NTN1: variants seen among roughly 807,000 people sequenced by gnomAD.
NTN1 encodes netrin 1.
NTN1 carries 11 observed loss-of-function variants against 54.2 expected under a neutral mutation model. The observed-to-expected ratio is 0.20, with a 90% CI of 0.13 to 0.34. The LOEUF (loss-of-function observed/expected upper bound fraction) is 0.34. NTN1 is among the 10% of genes least tolerant of loss of function. The probability of loss-of-function intolerance (pLI) is 1.00; values close to 1 mark genes in which losing one functional copy is unlikely to be tolerated. For missense variants in NTN1, 740 were observed against 893.1 expected, an observed-to-expected ratio of 0.83 and a Z score of 2.18; for synonymous variants, 371 against 382.0, an observed-to-expected ratio of 0.97 and a Z score of 0.33.
In NTN1 at chr17:9,079,603, G is replaced by A. The variant is rs150072156; in HGVS notation, c.1018+56212G>A. On this transcript the variant is annotated intron_variant, in intron 2 of 6. Coordinates refer to ENST00000173229, the MANE Select transcript of NTN1 (RefSeq NM_004822.3). ...AGGAAGTGGTAGCCCAGTGGGTCTA[G>A]TTCCTGGCCTCCCAGGAAGTGGTTC... is the stretch of plus-strand genomic sequence containing the variant. 1.8e-4 allele frequency among the ~76,000 whole-genome samples: 27 copies of A among 152,150 alleles called. No homozygotes were observed. The East Asian group carries it at 5.2e-3, about 30-fold the overall frequency.
the NTN1 span, among the ~76,000 whole-genome samples, chr17:9,011,377 G>A: frequency 2.0e-5 from 3 of 152,204 alleles, no homozygotes; most frequent in East Asian, 1.9e-4. Flanking sequence ...TCCAATCTCT[G>A]CCTCTGTCTC....
rs1906201268 is a variant in NTN1 at position 9,241,181 on chromosome 17, AC to A, written c.*1215del. The A allele has an allele frequency of 6.6e-6, 1 of 152,400 alleles. No individual in the cohort carries two copies. The highest frequency in any genetic ancestry group is 6.5e-5 in the Admixed American group (1 of 15,286). 9.4% of individuals were successfully genotyped at this position (152,400 alleles called of 1,614,324 possible). A position where few individuals can be genotyped will look rare whatever the true frequency, so the allele number is the denominator to read the frequency against. Reference sequence around the variant, plus strand: ...ATGGGTGGGCAGGGGCACAGGAATGACCAGGTTCCTGGGGGCCAAGGAGGCC... The same window carrying A: ...ATGGGTGGGCAGGGGCACAGGAATGACAGGTTCCTGGGGGCCAAGGAGGCC... On this transcript the variant is annotated 3_prime_UTR_variant, in exon 7 of 7. Transcript: ENST00000173229.
intron 4 of NTN1, 23 bp downstream of exon 4, chr17:9,179,979 T>C: frequency 6.2e-7 from 1 of 1,602,964 alleles, no homozygotes; most frequent in Non-Finnish European, 8.5e-7. Flanking sequence ...CACCCTGCTT[T>C]TCAAGTCTCT....
At chr17:9,205,899 G>A (rs370731902) in intron 5 of NTN1, among the ~76,000 whole-genome samples, 3 of 152,218 alleles carry the variant, frequency 2.0e-5, no homozygotes, top group South Asian at 2.1e-4. Flanking sequence ...CAGCTTACTC[G>A]GGACATTGGG....
chr17:9,053,927 C>G (rs1410692822), intron 2 of NTN1, among the ~76,000 whole-genome samples: 1 of 152,192 alleles, frequency 6.6e-6, no homozygotes, highest in African/African-American at 2.4e-5. Flanking sequence ...CACACCAGGT[C>G]AGGCACGTAG....
intron 5 of NTN1, among the ~76,000 whole-genome samples, chr17:9,208,535 C>T (rs778835481): frequency 1.7e-4 from 26 of 152,082 alleles, no homozygotes; most frequent in African/African-American, 4.8e-4. Context: ...AGGAAATGGG[C>T]GCTAAGAACC....
At chr17:9,124,404 CT>C (rs1330339165) in intron 2 of NTN1, among the ~76,000 whole-genome samples, 2 of 152,212 alleles carry the variant, frequency 1.3e-5, no homozygotes, top group Non-Finnish European at 1.5e-5. Flanking sequence ...CCGGATTCCA[CT>C]TCCTGAACTC....
intron 2 of NTN1, among the ~76,000 whole-genome samples, chr17:9,033,844 G>A (rs1050873594): frequency 6.6e-6 from 1 of 150,822 alleles, no homozygotes. Context: ...TTGAATCTGG[G>A]AGGCGGAGGT....
Position 9,164,694 on chromosome 17 carries a change from C to T in NTN1, c.1207+1693C>T, listed in dbSNP as rs556266467. Among the ~76,000 whole-genome samples the T allele has an allele frequency of 5.8e-4, 88 of 152,254 alleles. No homozygotes were observed. The South Asian group carries it at 0.013, about 22-fold the overall frequency. ...ACAGGCATAAGTAGAATGGCTCCCT[C>T]GGTCAAGCAAGGTGTCCTTCTGTGT... On this transcript the variant is annotated intron_variant, in intron 3 of 6. Coordinates refer to ENST00000173229, the MANE Select transcript of NTN1 (RefSeq NM_004822.3).
At chr17:9,183,199 TC>T (rs2092424074) in intron 5 of NTN1, 1 of 690,784 alleles carries the variant, frequency 1.4e-6, no homozygotes, top group African/African-American at 1.8e-5. Flanking sequence ...GATGCCTCTC[TC>T]CCAAGCCTGG....
At position 9,042,353 on chromosome 17, in the gene NTN1, C is replaced by T. The variant is rs183460885; in HGVS notation, c.1018+18962C>T. Among the ~76,000 whole-genome samples, 10 of 151,980 alleles carry T rather than the reference C, an allele frequency of 6.6e-5. No individual in the cohort carries two copies. The South Asian group carries it at 1.5e-3, about 22-fold the overall frequency. Reference sequence around the variant, plus strand: ...GTGAGATTTGAGCTGGGTGTGATGGCGCGCCTCTCTAGTCTCAGTTCTCGA... The same window carrying T: ...GTGAGATTTGAGCTGGGTGTGATGGTGCGCCTCTCTAGTCTCAGTTCTCGA... On this transcript the variant is annotated intron_variant, in intron 2 of 6. Transcript: ENST00000173229.
chr17:9,182,938 G>A lies in NTN1; in HGVS notation c.1380G>A (p.Thr460=), dbSNP rs756074099. 7 of 1,614,004 alleles carry A rather than the reference G, an allele frequency of 4.3e-6. No homozygotes were observed. The Admixed American group carries it at 5.0e-5, about 12-fold the overall frequency. ...PCIKIPVAPP[T]TAASSVEEPE... Reference sequence around the variant, plus strand: ...AAGAGATCCCTGTAGCGCCGCCGACGACTGCAGCCAGCAGCGTGGAGGAGC... The same window carrying A: ...AAGAGATCCCTGTAGCGCCGCCGACAACTGCAGCCAGCAGCGTGGAGGAGC... The change falls in exon 5 of 7, where the codon ACG becomes ACA. Residue 460 remains threonine (T), a synonymous_variant. Coordinates refer to ENST00000173229, the MANE Select transcript of NTN1 (RefSeq NM_004822.3).
chr17:9,063,635 C>T (rs1253476995), intron 2 of NTN1, among the ~76,000 whole-genome samples: 1 of 151,952 alleles, frequency 6.6e-6, no homozygotes, highest in African/African-American at 2.4e-5. Flanking sequence ...GCAAGCTCTG[C>T]CTCCCGGGTT....
rs146644536 is a variant in NTN1, at chr17:9,221,155, C to CCG, written c.1412-13_1412-12insCG. The CCG allele has an allele frequency of 4.4e-5, 69 of 1,551,370 alleles. No individual in the cohort carries two copies. Among genetic ancestry groups the CCG allele is most frequent in the Middle Eastern group, 3.4e-4 (2 of 5,914 alleles). On this transcript the variant is annotated splice_polypyrimidine_tract_variant and intron_variant, in intron 5 of 6. Transcript: ENST00000173229. The surrounding 1 kb of genome is among the most constrained non-coding windows in gnomAD (Gnocchi z 4.5). ...TTAGTTTTTGTCTGTGCTCCCCCCC[C>CCG]ACCCCCCTGCAGACTGCGATTCCTA...
chr17:9,057,414 G>A (rs1298384089), intron 2 of NTN1, among the ~76,000 whole-genome samples: 3 of 152,088 alleles, frequency 2.0e-5, no homozygotes, highest in Admixed American at 6.6e-5. Flanking sequence ...CTGTTTCCTA[G>A]TGATTGCCCG....
At chr17:9,054,602 G>A (rs1482618901) in intron 2 of NTN1, among the ~76,000 whole-genome samples, 1 of 152,192 alleles carries the variant, frequency 6.6e-6, no homozygotes, top group African/African-American at 2.4e-5. Context: ...AAAGGAGGAG[G>A]GAGAGAAATC....
chr17:9,097,255 T>C (rs2092134873), intron 2 of NTN1, among the ~76,000 whole-genome samples: 1 of 152,242 alleles, frequency 6.6e-6, no homozygotes, highest in South Asian at 2.1e-4. Context: ...TGCCGACGCT[T>C]GTTCACCCTG....
At chr17:9,126,873 A>T (rs80247294) in intron 2 of NTN1, among the ~76,000 whole-genome samples, 1,995 of 152,118 alleles carry the variant, frequency 0.013, 41 homozygotes, top group African/African-American at 0.045. Context: ...GGGAACCAGG[A>T]TGGTGTTTGA....
intron 2 of NTN1, among the ~76,000 whole-genome samples, chr17:9,150,938 G>A (rs1028760095): frequency 1.3e-5 from 2 of 152,326 alleles, no homozygotes; most frequent in East Asian, 1.9e-4. Context: ...AGCCGAGCCC[G>A]TGACCCCGGT....
Sources: gnomAD v4.1 joint callset for allele counts (sites outside exome capture counted in the v4.1 genomes callset) on GRCh38, gnomAD v4.1.1 for gene constraint, Gnocchi (gnomAD v3.1) non-coding constraint, MANE v1.5 for transcripts, NCBI Gene and HGNC (gene_info 2026-07-23, HGNC 2026-07-21) for gene names.